F13A1: variants seen among roughly 807,000 people sequenced by gnomAD.
F13A1 encodes coagulation factor XIII A chain, also known as FSF, A subunit.
Under a neutral mutation model 80.1 loss-of-function variants are expected in F13A1, and 47 were observed. The ratio of observed to expected loss-of-function variants is 0.59; its 90% CI spans 0.46 to 0.75. The LOEUF is 0.75. Ranked by LOEUF, F13A1 falls within the 30% of genes least tolerant of loss-of-function variation. F13A1 has a pLI of 0.00. For missense variants in F13A1, 817 were observed against 930.4 expected (o/e 0.88, Z 1.59); for synonymous variants, 349 against 344.9 (o/e 1.01, Z -0.13).
chr6:6,215,166 CCTAA>C lies in F13A1; in HGVS notation c.1112+6863_1112+6866del, dbSNP rs1761700140. 1.5e-5 allele frequency among the ~76,000 whole-genome samples: 2 copies of C among 131,230 alleles called. 1 individual carries two copies. The highest frequency in any genetic ancestry group is 3.4e-5 in the Non-Finnish European group (2 of 59,030). The allele number at this position is 131,230 out of a possible 152,430, so 86.1% of individuals were successfully genotyped here. On this transcript the variant is annotated intron_variant, in intron 8 of 14. Transcript: ENST00000264870. ...ATCAATAGAAAAAGAGGGAATCCTC[CCTAA>C]CTCATTTTATGAGGCCAGCATCATC... is the stretch of plus-strand genomic sequence containing the variant.
chr6:6,192,146 T>A (rs1761212960), intron 10 of F13A1, among the ~76,000 whole-genome samples: 1 of 152,172 alleles, frequency 6.6e-6, no homozygotes, highest in African/African-American at 2.4e-5. Context: ...AATCTCAGTA[T>A]GGCTGGAGGG....
At chr6:6,271,172 C>T (rs751884115) in intron 3 of F13A1, among the ~76,000 whole-genome samples, 1 of 152,166 alleles carries the variant, frequency 6.6e-6, no homozygotes, top group East Asian at 1.9e-4. Flanking sequence ...GAATGTGGAA[C>T]CTGATGTGCC....
intron 3 of F13A1, among the ~76,000 whole-genome samples, chr6:6,281,993 CAAAAAAAAA>C (rs10584369): frequency 1.1e-5 from 1 of 93,396 alleles, no homozygotes; most frequent in African/African-American, 4.1e-5. Context: ...GACTCCGTCT[CAAAAAAAAA>C]AAAAAAAAAA....
intron 3 of F13A1, among the ~76,000 whole-genome samples, chr6:6,287,853 T>C (rs1298042763): frequency 1.3e-5 from 2 of 152,226 alleles, no homozygotes; most frequent in African/African-American, 2.4e-5. Flanking sequence ...ATGTGACTAA[T>C]GAAGCTGTCA....
intron 8 of F13A1, chr6:6,206,349 A>C (rs759017948): frequency 2.2e-5 from 9 of 404,544 alleles, no homozygotes; most frequent in Non-Finnish European, 4.4e-5. Flanking sequence ...AACGGTATAT[A>C]TGATGACTCT....
chr6:6,151,586 T>C lies in F13A1; in HGVS notation c.2045+227A>G, dbSNP rs3024459. On this transcript the variant is annotated intron_variant, in intron 14 of 14. Transcript: ENST00000264870. ...AAATTCCTCAGCTACAGAAGGGAGA[T>C]AATAGCAGTATCTACATCGTAGGGT... 0.099 allele frequency among the ~76,000 whole-genome samples: 15,007 copies of C among 152,154 alleles called. 769 individuals are homozygous for C. Among genetic ancestry groups the C allele is most frequent in the Middle Eastern group, 0.16 (46 of 294 alleles).
chr6:6,257,306 G>A (rs753233751), intron 4 of F13A1, among the ~76,000 whole-genome samples: 23 of 152,078 alleles, frequency 1.5e-4, no homozygotes, highest in Non-Finnish European at 2.2e-4. Context: ...ACTTCCTGTC[G>A]GTGGCAATTG....
intron 3 of F13A1, 36 bp downstream of exon 3, chr6:6,305,315 A>T: frequency 1.9e-6 from 3 of 1,611,868 alleles, no homozygotes; most frequent in Non-Finnish European, 2.5e-6. Flanking sequence ...AATGCAACCC[A>T]TGGTGTCAAG....
chr6:6,283,936 A>T (rs1758101392), intron 3 of F13A1, among the ~76,000 whole-genome samples: 1 of 152,234 alleles, frequency 6.6e-6, no homozygotes, highest in African/African-American at 2.4e-5. Context: ...ATTGCATAAC[A>T]ATGCAAATAA....
intron 13 of F13A1, among the ~76,000 whole-genome samples, chr6:6,153,224 A>G (rs943415515): frequency 5.9e-5 from 9 of 152,222 alleles, no homozygotes; most frequent in Non-Finnish European, 1.3e-4. Flanking sequence ...TAGCCACTAT[A>G]TAATATGGGA....
At chr6:6,258,452 A>G (rs1167263390) in intron 4 of F13A1, among the ~76,000 whole-genome samples, 1 of 152,202 alleles carries the variant, frequency 6.6e-6, no homozygotes, top group Non-Finnish European at 1.5e-5. Context: ...TTTGAAGCAT[A>G]TAAGAGACTC....
intron 2 of F13A1, among the ~76,000 whole-genome samples, chr6:6,318,162 A>G (rs1758711492): frequency 6.6e-6 from 1 of 152,206 alleles, no homozygotes. Context: ...AACAGCCACA[A>G]TATTTTGGAA....
intron 8 of F13A1, among the ~76,000 whole-genome samples, chr6:6,217,431 A>G (rs1450128161): frequency 1.3e-5 from 2 of 151,086 alleles, no homozygotes; most frequent in Non-Finnish European, 2.9e-5. Flanking sequence ...CACAAGAACA[A>G]AAAACCAAAC....
intron 3 of F13A1, among the ~76,000 whole-genome samples, chr6:6,276,994 A>G (rs1757997135): frequency 6.6e-6 from 1 of 152,192 alleles, no homozygotes; most frequent in South Asian, 2.1e-4. Flanking sequence ...GAGAAACCTT[A>G]AAAACTGAGC....
At position 6,300,764 on chromosome 6, in the gene F13A1, C is replaced by G. The variant is rs181330314; in HGVS notation, c.319+4587G>C. Among the ~76,000 whole-genome samples the G allele has an allele frequency of 3.7e-3, 554 of 151,316 alleles. 5 individuals carry two copies. Among genetic ancestry groups the G allele is most frequent in the African/African-American group, 0.013 (522 of 41,266 alleles). On this transcript the variant is annotated intron_variant, in intron 3 of 14. Transcript: ENST00000264870. ...TTCCTATTCGGCCATCTTGGCTCCTCCCCCCGAGATTCTTTTAAGTGCCCT... is the reference window on the plus strand; with the variant it reads ...TTCCTATTCGGCCATCTTGGCTCCTGCCCCCGAGATTCTTTTAAGTGCCCT...
At chr6:6,320,379 C>G (rs926612528) in intron 1 of F13A1, among the ~76,000 whole-genome samples, 4 of 152,196 alleles carry the variant, frequency 2.6e-5, no homozygotes, top group African/African-American at 4.8e-5. Flanking sequence ...GGAGAGCTGC[C>G]TCGAGAGCCT....
intron 12 of F13A1, among the ~76,000 whole-genome samples, chr6:6,171,550 C>CT (rs147306173): frequency 0.022 from 3,286 of 152,266 alleles, 120 homozygotes; most frequent in African/African-American, 0.074. Context: ...CTATCAACCC[C>CT]TTTCAGTGGA....
chr6:6,199,630 A>G (rs1761356800), intron 8 of F13A1, among the ~76,000 whole-genome samples: 1 of 152,164 alleles, frequency 6.6e-6, no homozygotes, highest in South Asian at 2.1e-4. Context: ...ACTCTTCAAC[A>G]CTGACCTATG....
intron 6 of F13A1, among the ~76,000 whole-genome samples, chr6:6,235,014 G>A (rs1757396840): frequency 6.6e-6 from 1 of 151,934 alleles, no homozygotes; most frequent in Non-Finnish European, 1.5e-5. Context: ...TTGTGATAAA[G>A]TTGCAAAGGA....
Sources: allele counts gnomAD v4.1 joint callset (sites outside exome capture counted in the v4.1 genomes callset), GRCh38; gene constraint gnomAD v4.1.1; transcripts MANE v1.5; gene names NCBI Gene and HGNC (gene_info 2026-07-23, HGNC 2026-07-21).